The following NRXN1 variants were observed in gnomAD, a reference collection of about 807,000 sequenced individuals.
The protein encoded by NRXN1 is neurexin 1, also known as neurexin-1.
NRXN1 carries 39 observed loss-of-function variants against 150.9 expected under a neutral mutation model. The observed-to-expected ratio is 0.26, with a 90% CI of 0.20 to 0.34. The LOEUF (loss-of-function observed/expected upper bound fraction) is 0.34, where lower values mean the gene tolerates loss of function less well. Ranked by LOEUF, NRXN1 falls within the 10% of genes least tolerant of loss-of-function variation. The probability of loss-of-function intolerance (pLI) is 1.00; values close to 1 mark genes in which losing one functional copy is unlikely to be tolerated. For synonymous variants in NRXN1, 924 were observed against 757.0 expected (o/e 1.22, Z -3.62); for missense variants, 1,815 against 1,949.9 (o/e 0.93, Z 1.30).
At chr2:50,641,844 G>A (rs984734820) in intron 5 of NRXN1, among the ~76,000 whole-genome samples, 1 of 152,074 alleles carries the variant, frequency 6.6e-6, no homozygotes, top group Non-Finnish European at 1.5e-5. Flanking sequence ...GGATGCTGCT[G>A]CAGGTGTTTC....
chr2:50,206,095 A>G (rs2062548190), intron 18 of NRXN1, among the ~76,000 whole-genome samples: 1 of 152,090 alleles, frequency 6.6e-6, no homozygotes, highest in African/African-American at 2.4e-5. Context: ...AAACAAATGA[A>G]AAGTTCACCA....
At chr2:50,186,525 C>A (rs59645990) in intron 18 of NRXN1, among the ~76,000 whole-genome samples, 2,979 of 152,184 alleles carry the variant, frequency 0.02, 81 homozygotes, top group African/African-American at 0.069. Flanking sequence ...TTACTCAGCC[C>A]TGGCAGATGA....
chr2:50,424,527 A>G (rs2104300546), intron 17 of NRXN1, among the ~76,000 whole-genome samples: 1 of 152,216 alleles, frequency 6.6e-6, no homozygotes, highest in Admixed American at 6.5e-5. Context: ...CAGGGAGAAT[A>G]TGGGTCTACC....
At chr2:50,103,267 A>C (rs1701203012) in intron 18 of NRXN1, among the ~76,000 whole-genome samples, 1 of 152,058 alleles carries the variant, frequency 6.6e-6, no homozygotes, top group Admixed American at 6.6e-5. Flanking sequence ...GTGTGGTGGA[A>C]TGTCTTGTTA....
At chr2:50,661,434 G>A (rs141998530) in intron 5 of NRXN1, among the ~76,000 whole-genome samples, 1 of 152,154 alleles carries the variant, frequency 6.6e-6, no homozygotes, top group African/African-American at 2.4e-5. Context: ...TTTTTCAGAA[G>A]CCAGTTTTAT....
At chr2:50,070,543 G>A in intron 19 of NRXN1, among the ~76,000 whole-genome samples, 1 of 151,778 alleles carries the variant, frequency 6.6e-6, no homozygotes, top group Non-Finnish European at 1.5e-5. Flanking sequence ...GGCCGAGGCG[G>A]GCGGATCACA....
At chr2:50,001,029 A>G (rs112999517) in intron 21 of NRXN1, among the ~76,000 whole-genome samples, 14 of 152,284 alleles carry the variant, frequency 9.2e-5, no homozygotes, top group African/African-American at 1.9e-4. Flanking sequence ...ACAAGTCAGC[A>G]TATTTTGCTC....
chr2:50,861,330 G>A (rs939777487), intron 5 of NRXN1, among the ~76,000 whole-genome samples: 2 of 151,790 alleles, frequency 1.3e-5, no homozygotes, highest in African/African-American at 2.4e-5. Context: ...CTCCCACCTC[G>A]GCCTTCCAAA....
intron 17 of NRXN1, among the ~76,000 whole-genome samples, chr2:50,240,957 A>C (rs1242773864): frequency 1.3e-5 from 2 of 151,728 alleles, no homozygotes; most frequent in Non-Finnish European, 3.0e-5. Context: ...CCTTCAGAAA[A>C]GTTGGACATA....
rs544302426 is a variant in NRXN1, at chr2:50,128,650, G to C, written c.3547-37156C>G. Among the ~76,000 whole-genome samples the C allele has an allele frequency of 4.6e-3, 707 of 152,082 alleles. 7 individuals carry two copies. Among genetic ancestry groups the C allele is most frequent in the African/African-American group, 0.016 (675 of 41,484 alleles). ...AGAATACTCCAAGAAAATATAAATTGTTTAAATATAAGTCTTAATAAGCAG... is the reference window on the plus strand; with the variant it reads ...AGAATACTCCAAGAAAATATAAATTCTTTAAATATAAGTCTTAATAAGCAG... On this transcript the variant is annotated intron_variant, in intron 18 of 22. Coordinates refer to ENST00000401669, the MANE Select transcript of NRXN1 (RefSeq NM_001330078.2).
chr2:50,221,778 A>G (rs2063909856), intron 18 of NRXN1, among the ~76,000 whole-genome samples: 1 of 151,982 alleles, frequency 6.6e-6, no homozygotes, highest in Non-Finnish European at 1.5e-5. Flanking sequence ...AGCAAATGCC[A>G]CAGAACATAT....
intron 5 of NRXN1, among the ~76,000 whole-genome samples, chr2:50,832,961 A>T (rs1671622712): frequency 6.6e-6 from 1 of 152,236 alleles, no homozygotes; most frequent in African/African-American, 2.4e-5. Context: ...GGAATTCTCA[A>T]ATGTCAACAT....
At chr2:50,656,471 C>T (rs995887798) in intron 5 of NRXN1, 1 of 736,854 alleles carries the variant, frequency 1.4e-6, no homozygotes, top group Non-Finnish European at 2.5e-6. Flanking sequence ...AGTTTTTGCT[C>T]TGTTTAAACA....
In NRXN1 at chr2:49,983,232, C is replaced by G. The variant is rs150229931; in HGVS notation, c.4129-39441G>C. ...TTTCTTTTTCCTAGATTATTAGCAA[C>G]TCAAGGGATGAGCCGCTGTCCACTT... On this transcript the variant is annotated intron_variant, in intron 21 of 22. Transcript: ENST00000401669. 1.1e-4 allele frequency among the ~76,000 whole-genome samples: 16 copies of G among 152,170 alleles called. No individual in the cohort carries two copies. The East Asian group carries it at 3.1e-3, about 29-fold the overall frequency.
chr2:50,865,527 A>G (rs753510706), intron 5 of NRXN1, among the ~76,000 whole-genome samples: 2 of 150,318 alleles, frequency 1.3e-5, no homozygotes, highest in Admixed American at 6.7e-5. Flanking sequence ...GAGTGTATTT[A>G]CCCATTGGAA....
chr2:50,098,345 A>G (rs1377966629), intron 18 of NRXN1, among the ~76,000 whole-genome samples: 1 of 152,114 alleles, frequency 6.6e-6, no homozygotes, highest in Non-Finnish European at 1.5e-5. Flanking sequence ...GAGTTGAGGG[A>G]GTGGTGGGGA....
At chr2:50,277,358 G>T (rs1225764690) in intron 17 of NRXN1, among the ~76,000 whole-genome samples, 4 of 56,736 alleles carry the variant, frequency 7.1e-5, no homozygotes, top group Non-Finnish European at 1.6e-4. Flanking sequence ...ACATTGCTTG[G>T]CCAAGAGGAA....
At position 50,531,345 on chromosome 2, in the gene NRXN1, G is replaced by C. The variant is rs1334690806; in HGVS notation, c.2229C>G (p.Ser743=). ...VVMHTEAEDV[S]LRFRSQRAYG... is the part of the protein sequence containing the mutation. ...ATGCACGCTGGGATCGGAACCGTAA[G>C]GAAACATCCTCAGCCTCCGTATGCA... Residue 743 remains serine (S), a synonymous_variant, in exon 11 of 23, where the codon TCC becomes TCG. Coordinates refer to ENST00000401669, the MANE Select transcript of NRXN1 (RefSeq NM_001330078.2). 3 of 1,613,354 alleles carry C rather than the reference G, an allele frequency of 1.9e-6. No homozygotes were observed. The highest frequency in any genetic ancestry group is 2.5e-6 in the Non-Finnish European group (3 of 1,179,706).
Position 50,291,755 on chromosome 2 carries a change from T to C in NRXN1, c.3365-54785A>G, listed in dbSNP as rs543314395. ...TGAAAAGAGCAAGTGTAGATTGGTA[T>C]GTCCAGGAACTTAAGTCACAGGAGC... On this transcript the variant is annotated intron_variant, in intron 17 of 22. Transcript: ENST00000401669. Among the ~76,000 whole-genome samples, 7 of 152,020 alleles carry C rather than the reference T, an allele frequency of 4.6e-5. No homozygotes were observed. In the East Asian group the frequency reaches 1.4e-3, roughly 29 times the overall value.
Sources: allele counts gnomAD v4.1 joint callset (sites outside exome capture counted in the v4.1 genomes callset), GRCh38; gene constraint gnomAD v4.1.1; transcripts MANE v1.5; gene names NCBI Gene and HGNC (gene_info 2026-07-23, HGNC 2026-07-21).